ECHDC2: variants seen among roughly 807,000 people sequenced by gnomAD.
ECHDC2 encodes the protein enoyl-CoA hydratase domain containing 2, also known as enoyl-CoA hydratase domain-containing protein 2, mitochondrial.
A neutral mutation model predicts 40.6 loss-of-function variants in ECHDC2; 34 were observed. The observed-to-expected ratio is 0.84, with a 90% CI of 0.64 to 1.11. The LOEUF (loss-of-function observed/expected upper bound fraction) is 1.11, where lower values mean the gene tolerates loss of function less well. Among genes scored for constraint, ECHDC2 ranks in the 50% most tolerant of loss-of-function variants. ECHDC2 has a pLI of 0.00. For missense variants in ECHDC2, 392 were observed against 400.7 expected (o/e 0.98, Z 0.19); for synonymous variants, 162 against 166.6 (o/e 0.97, Z 0.21).
Position 52,896,418 on chromosome 1 carries a change from G to T in ECHDC2, c.*102C>A. The T allele has an allele frequency of 1.1e-6, 1 of 914,810 alleles. No homozygotes were observed. Among genetic ancestry groups the T allele is most frequent in the Non-Finnish European group, 1.8e-6 (1 of 546,384 alleles). 56.7% of individuals were successfully genotyped at this position (914,810 alleles called of 1,614,324 possible). On this transcript the variant is annotated 3_prime_UTR_variant, in exon 10 of 10. Coordinates refer to ENST00000371522, the MANE Select transcript of ECHDC2 (RefSeq NM_001198961.2). ...TCATCATCCTTGTGAAGAAATGGAA[G>T]TCTGGAGAGGTGAAATGATGAAGGC... is the stretch of plus-strand genomic sequence containing the variant.
chr1:52,920,287 G>C (rs1651583375), intron 1 of ECHDC2: 2 of 584,490 alleles, frequency 3.4e-6, no homozygotes, highest in Admixed American at 2.9e-5. Flanking sequence ...GCACACTTGG[G>C]AACAGTGGGC....
chr1:52,910,801 G>T (rs549707901), intron 3 of ECHDC2, among the ~76,000 whole-genome samples: 2 of 152,346 alleles, frequency 1.3e-5, no homozygotes, highest in East Asian at 3.9e-4. Context: ...CACAAGATAC[G>T]GTGGCATGCA....
At chr1:52,908,305 T>C (rs934946840) in intron 3 of ECHDC2, among the ~76,000 whole-genome samples, 2 of 151,698 alleles carry the variant, frequency 1.3e-5, no homozygotes, top group African/African-American at 2.4e-5. Flanking sequence ...AGGTCAGTAG[T>C]TCAAGACCAA....
rs1571894275 is a variant in ECHDC2, at chr1:52,896,392, A to G, written c.*128T>C. ...GCATCACGCCAGTCATTTTATTTCC[A>G]TCATCATCCTTGTGAAGAAATGGAA... On this transcript the variant is annotated 3_prime_UTR_variant, in exon 10 of 10. Transcript: ENST00000371522. 3.7e-6 allele frequency: 3 copies of G among 800,448 alleles called. No homozygotes were observed. Among genetic ancestry groups the G allele is most frequent in the East Asian group, 5.0e-5 (2 of 40,218 alleles). 49.6% of individuals were successfully genotyped at this position (800,448 alleles called of 1,614,324 possible). A position where few individuals can be genotyped will look rare whatever the true frequency, so the allele number is the denominator to read the frequency against.
chr1:52,911,478 T>C, intron 3 of ECHDC2, 88 bp downstream of exon 3: 1 of 1,295,138 alleles, frequency 7.7e-7, no homozygotes, highest in Non-Finnish European at 1.1e-6. Context: ...ATGAGTCCCA[T>C]GCTGAAGCTG....
At chr1:52,901,617 C>A (rs1298135818) in intron 7 of ECHDC2, 1 of 152,104 alleles carries the variant, frequency 6.6e-6, no homozygotes, top group Non-Finnish European at 1.5e-5. Flanking sequence ...ATCCGGAAAC[C>A]TTTATTCTGA....
chr1:52,900,123 G>A (rs1646897655), intron 7 of ECHDC2: 1 of 152,154 alleles, frequency 6.6e-6, no homozygotes, highest in Non-Finnish European at 1.5e-5. Context: ...CACCGGAAAA[G>A]AAGTACGAAC....
intron 7 of ECHDC2, among the ~76,000 whole-genome samples, chr1:52,904,073 C>G (rs1003949946): frequency 1.6e-4 from 24 of 152,168 alleles, no homozygotes; most frequent in Admixed American, 1.4e-3. Context: ...GCCTCAGCCT[C>G]CCAAAGTGCT....
chr1:52,905,582 TC>T (rs1488715335), intron 5 of ECHDC2: 4 of 162,818 alleles, frequency 2.5e-5, no homozygotes, highest in Non-Finnish European at 4.1e-5. Context: ...CCCTGACTGT[TC>T]CAGTCCATGT....
chr1:52,908,178 T>C (rs540266243), intron 3 of ECHDC2, among the ~76,000 whole-genome samples: 11 of 152,314 alleles, frequency 7.2e-5, no homozygotes, highest in Non-Finnish European at 1.5e-4. Flanking sequence ...GGAAACCTTC[T>C]GTGCATCAGA....
At position 52,917,470 on chromosome 1, in the gene ECHDC2, A is replaced by T. The variant is rs1356760455; in HGVS notation, c.121+4083T>A. The T allele has an allele frequency of 6.8e-6, 3 of 440,946 alleles. No individual in the cohort carries two copies. In the Admixed American group the frequency reaches 7.3e-5, roughly 11 times the overall value. The allele number at this position is 440,946 out of a possible 1,614,324, so 27.3% of individuals were successfully genotyped here. On this transcript the variant is annotated intron_variant, in intron 1 of 9. Transcript: ENST00000371522. ...AGCAGAGCAGGGGAGTTCCAAAAAG[A>T]TTTCCATAAGCAGAAAGGAAGGAAG...
intron 1 of ECHDC2, among the ~76,000 whole-genome samples, chr1:52,921,028 T>C (rs1239397985): frequency 6.6e-6 from 1 of 152,214 alleles, no homozygotes; most frequent in African/African-American, 2.4e-5. Flanking sequence ...ATACTATCCT[T>C]GATCTTGGCC....
Position 52,906,630 on chromosome 1 carries a change from G to T in ECHDC2, c.365-19C>A. 5 of 1,590,306 alleles carry T rather than the reference G, an allele frequency of 3.1e-6. No homozygotes were observed. The highest frequency in any genetic ancestry group is 4.3e-6 in the Non-Finnish European group (5 of 1,166,554). On this transcript the variant is annotated intron_variant, in intron 4 of 9. Coordinates refer to ENST00000371522, the MANE Select transcript of ECHDC2 (RefSeq NM_001198961.2). ...AAGGCTGCTGTGGAGAGGAAGAAAG[G>T]CTCAGCCTGCAAAGCCCTGGTGGGA...
chr1:52,917,966 C>G (rs1651065154), intron 1 of ECHDC2, among the ~76,000 whole-genome samples: 1 of 152,090 alleles, frequency 6.6e-6, no homozygotes, highest in Non-Finnish European at 1.5e-5. Context: ...TATACTCCTA[C>G]TTTTTATTTT....
intron 1 of ECHDC2, chr1:52,917,755 C>A: frequency 2.4e-6 from 1 of 422,404 alleles, no homozygotes; most frequent in Non-Finnish European, 4.8e-6. Context: ...TGCCTAGTGA[C>A]ACCATAGCTG....
At chr1:52,898,991 TA>T (rs770578661) in intron 8 of ECHDC2, 182 bp downstream of exon 8, 2 of 696,078 alleles carry the variant, frequency 2.9e-6, no homozygotes, top group Non-Finnish European at 5.3e-6. Context: ...ATGTAAACAA[TA>T]ATACTGTCTG....
In ECHDC2 at chr1:52,904,755, CCACT is replaced by C; in HGVS notation, c.589_592del (p.Ser197GlufsTer10). 6.2e-7 allele frequency: 1 copy of C among 1,613,048 alleles called. No individual in the cohort carries two copies. The highest frequency in any genetic ancestry group is 1.3e-5 in the African/African-American group (1 of 75,052). On this transcript the variant is annotated frameshift_variant, in exon 7 of 10. Coordinates refer to ENST00000371522, the MANE Select transcript of ECHDC2 (RefSeq NM_001198961.2). LOFTEE classifies it high-confidence loss of function. ...CAGCCCCAGTACGTGGGCCTCAGTTCCACTCAGTCGTCGGCCCGTGAAGATGAGC... is the reference window on the plus strand; with the variant it reads ...CAGCCCCAGTACGTGGGCCTCAGTTCCAGTCGTCGGCCCGTGAAGATGAGC...
intron 3 of ECHDC2, among the ~76,000 whole-genome samples, chr1:52,910,354 T>TTTG (rs1649119268): frequency 3.6e-5 from 1 of 28,058 alleles, no homozygotes; most frequent in South Asian, 1.4e-3. Context: ...ACAATTTCGT[T>TTTG]TTTTTTTTTT....
rs1650281837 is a variant in ECHDC2 at position 52,914,656 on chromosome 1, T to C, written c.122-2866A>G. Among the ~76,000 whole-genome samples, 1 of 152,132 alleles carries C rather than the reference T, an allele frequency of 6.6e-6. No individual in the cohort carries two copies. Among genetic ancestry groups the C allele is most frequent in the Non-Finnish European group, 1.5e-5 (1 of 68,014 alleles). ...CCAAATGCCTACTTGATATCTCAAC[T>C]GGTATGTCCTGCTCCATTGATGAGC... is the stretch of plus-strand genomic sequence containing the variant. On this transcript the variant is annotated intron_variant, in intron 1 of 9. Coordinates refer to ENST00000371522, the MANE Select transcript of ECHDC2 (RefSeq NM_001198961.2). This position sits in a 1 kb window ranked among gnomAD's most constrained non-coding sequence, Gnocchi z 4.0.
Sources: gnomAD v4.1 joint callset for allele counts (sites outside exome capture counted in the v4.1 genomes callset) on GRCh38, gnomAD v4.1.1 for gene constraint, Gnocchi (gnomAD v3.1) non-coding constraint, MANE v1.5 for transcripts, NCBI Gene and HGNC (gene_info 2026-07-23, HGNC 2026-07-21) for gene names.